The following TJP2 variants were observed in gnomAD, a reference collection of about 807,000 sequenced individuals.
TJP2 encodes tight junction protein 2.
A neutral mutation model predicts 133.1 loss-of-function variants in TJP2; 91 were observed. That is an observed-to-expected ratio of 0.68 (90% confidence interval 0.58 to 0.81). The LOEUF (loss-of-function observed/expected upper bound fraction) is 0.81. TJP2 is among the 40% of genes least tolerant of loss of function. The pLI is 0.00. For missense variants in TJP2, 1,541 were observed against 1,565.6 expected (o/e 0.98, Z 0.26); for synonymous variants, 592 against 583.4 (o/e 1.01, Z -0.21).
chr9:69,151,700 C>T (rs1347333543), exon 2 of TJP2: 1 of 1,231,994 alleles, frequency 8.1e-7, no homozygotes, highest in Non-Finnish European at 1.0e-6. Context: ...GGATTGGCAC[C>T]CCGGCTGCAG....
intron 5 of TJP2, among the ~76,000 whole-genome samples, chr9:69,222,863 G>A (rs777588893): frequency 5.9e-5 from 9 of 151,876 alleles, no homozygotes; most frequent in Non-Finnish European, 1.3e-4. Flanking sequence ...GAGGTCAGGA[G>A]TTGGAGACCA....
At chr9:69,140,762 C>A (rs571893497) in intron 1 of TJP2, among the ~76,000 whole-genome samples, 1 of 152,198 alleles carries the variant, frequency 6.6e-6, no homozygotes, top group African/African-American at 2.4e-5. Flanking sequence ...CAATTCTAGG[C>A]TCATAGTAGA....
chr9:69,188,306 A>T (rs1825987418), intron 1 of TJP2, among the ~76,000 whole-genome samples: 1 of 86,716 alleles, frequency 1.2e-5, no homozygotes, highest in African/African-American at 4.6e-5. Flanking sequence ...TTTCCCAGTC[A>T]ACTAGGAGTA....
chr9:69,245,676 T>A (rs1473386813), intron 17 of TJP2, among the ~76,000 whole-genome samples: 1 of 152,222 alleles, frequency 6.6e-6, no homozygotes, highest in Non-Finnish European at 1.5e-5. Flanking sequence ...TTCACTACTT[T>A]ACCTTGGTTT....
intron 2 of TJP2, among the ~76,000 whole-genome samples, chr9:69,159,671 G>C (rs185201357): frequency 2.2e-4 from 33 of 152,166 alleles, no homozygotes; most frequent in African/African-American, 7.5e-4. Context: ...GAGGTCAGGA[G>C]ATCGAGACCA....
chr9:69,152,095 T>C (rs893729098), intron 2 of TJP2, among the ~76,000 whole-genome samples: 1 of 152,318 alleles, frequency 6.6e-6, no homozygotes, highest in African/African-American at 2.4e-5. Flanking sequence ...GTGCTGATGA[T>C]GTCTGGGATT....
At chr9:69,215,362 T>C (rs1828278453) in intron 2 of TJP2, among the ~76,000 whole-genome samples, 1 of 151,382 alleles carries the variant, frequency 6.6e-6, no homozygotes, top group African/African-American at 2.4e-5. Flanking sequence ...GGAAGAGCAG[T>C]CTTTTCCCGC....
intron 2 of TJP2, among the ~76,000 whole-genome samples, chr9:69,167,212 T>C (rs1018959356): frequency 4.6e-5 from 7 of 152,146 alleles, no homozygotes; most frequent in Non-Finnish European, 1.0e-4. Flanking sequence ...CACCCCAGCC[T>C]GGGCAACAGC....
At chr9:69,239,592 C>T (rs1361920902) in intron 16 of TJP2, among the ~76,000 whole-genome samples, 1 of 152,108 alleles carries the variant, frequency 6.6e-6, no homozygotes, top group Non-Finnish European at 1.5e-5. Context: ...GGGCGGATCA[C>T]CTGAAGTCAG....
chr9:69,183,233 A>G (rs1191227254), intron 1 of TJP2, among the ~76,000 whole-genome samples: 2 of 152,218 alleles, frequency 1.3e-5, no homozygotes, highest in African/African-American at 4.8e-5. Context: ...TTCCAGAGGT[A>G]GGTGAATTTT....
intron 2 of TJP2, among the ~76,000 whole-genome samples, chr9:69,155,902 T>C (rs186037192): frequency 6.6e-6 from 1 of 152,334 alleles, no homozygotes; most frequent in African/African-American, 2.4e-5. Flanking sequence ...TAAAAAGTTA[T>C]TGGCTATGTG....
At chr9:69,219,848 AC>A (rs1285909258) in intron 4 of TJP2, among the ~76,000 whole-genome samples, 4 of 131,696 alleles carry the variant, frequency 3.0e-5, no homozygotes, top group Non-Finnish European at 6.6e-5. Context: ...TTGCCCCTCT[AC>A]CCCACCCCCC....
intron 17 of TJP2, among the ~76,000 whole-genome samples, chr9:69,242,219 G>A (rs1434327195): frequency 6.6e-6 from 1 of 152,192 alleles, no homozygotes; most frequent in African/African-American, 2.4e-5. Flanking sequence ...ACAGGCCACG[G>A]TAGCTGGCTG....
intron 11 of TJP2, 44 bp downstream of exon 11, chr9:69,230,276 G>A (rs779359109): frequency 1.8e-5 from 29 of 1,612,592 alleles, no homozygotes; most frequent in Non-Finnish European, 2.3e-5. Context: ...CTTGTAAGGA[G>A]TGCACTTTTC....
intron 1 of TJP2, among the ~76,000 whole-genome samples, chr9:69,123,165 C>T (rs938122723): frequency 6.6e-5 from 10 of 152,170 alleles, no homozygotes; most frequent in African/African-American, 2.4e-4. Context: ...TTTACATTTC[C>T]ATCCGGTTAT....
chr9:69,126,037 T>A lies in TJP2; in HGVS notation c.-131+4312T>A, dbSNP rs1400841855. Among the ~76,000 whole-genome samples, 2 of 76,616 alleles carry A rather than the reference T, an allele frequency of 2.6e-5. 1 individual carries two copies. Among genetic ancestry groups the A allele is most frequent in the Non-Finnish European group, 6.0e-5 (2 of 33,302 alleles). The allele number at this position is 76,616 out of a possible 152,430, so 50.3% of individuals were successfully genotyped here. ...TTTCTCATTTTACGGAAGAGAAAAT[T>A]GAGGCCACTTTGGGTCTTCTTGCTT... On this transcript the variant is annotated intron_variant, in intron 1 of 5. Coordinates refer to the TJP2 transcript ENST00000423935.
Position 69,249,433 on chromosome 9 carries a change from A to G in TJP2, c.2939A>G (p.Asp980Gly). Residue 980 changes from aspartate (D) to glycine (G), a missense_variant, in exon 20 of 23, where the codon GAT (aspartate) becomes GGT (glycine). Asp to Gly is a moderately conservative substitution (Grantham distance 94). Coordinates refer to ENST00000377245, the MANE Select transcript of TJP2 (RefSeq NM_004817.4). The part of the protein sequence containing the change: ...RAQMRRAASS[D>G]QLRDNSPPPA... The stretch of plus-strand genomic sequence containing the variant: ...CAGATGAGGAGGGCTGCTAGCAGCG[A>G]TCAACTTAGGGACAATAGCCCGCCC... 1.2e-6 allele frequency: 2 copies of G among 1,611,900 alleles called. No individual in the cohort carries two copies. The highest frequency in any genetic ancestry group is 1.7e-6 in the Non-Finnish European group (2 of 1,178,916).
intron 1 of TJP2, among the ~76,000 whole-genome samples, chr9:69,180,419 C>G (rs1296492672): frequency 6.6e-6 from 1 of 152,166 alleles, no homozygotes; most frequent in Non-Finnish European, 1.5e-5. Context: ...CTTCAAGGAC[C>G]TTCTAGGTTC....
At chr9:69,238,317 A>G (rs557926822) in intron 15 of TJP2, among the ~76,000 whole-genome samples, 116 of 152,214 alleles carry the variant, frequency 7.6e-4, no homozygotes, top group Non-Finnish European at 1.1e-3. Context: ...TATATAGTCC[A>G]TTTTCCACGT....
Sources: allele counts gnomAD v4.1 joint callset (sites outside exome capture counted in the v4.1 genomes callset), GRCh38; gene constraint gnomAD v4.1.1; transcripts MANE v1.5; gene names NCBI Gene and HGNC (gene_info 2026-07-23, HGNC 2026-07-21).